FRS2: variants seen among roughly 807,000 people sequenced by gnomAD.
FRS2 encodes FGFR signalling adaptor.
In FRS2, 8 loss-of-function variants were observed where a neutral mutation model predicts 43.9. The ratio of observed to expected loss-of-function variants is 0.18; its 90% CI spans 0.11 to 0.33. The LOEUF (loss-of-function observed/expected upper bound fraction) is 0.33. Among genes scored for constraint, FRS2 ranks in the 10% least tolerant of loss-of-function variants. The pLI is 1.00. For missense variants in FRS2, 534 were observed against 627.6 expected (o/e 0.85, Z 1.59); for synonymous variants, 219 against 220.3 (o/e 0.99, Z 0.05).
At chr12:69,483,955 G>A (rs1005639728) in intron 1 of FRS2, among the ~76,000 whole-genome samples, 5 of 152,162 alleles carry the variant, frequency 3.3e-5, no homozygotes, top group Non-Finnish European at 7.3e-5. Context: ...GGCGAGAAAG[G>A]TACTTCACTG....
At chr12:69,556,433 A>G (rs567373175) in intron 3 of FRS2, among the ~76,000 whole-genome samples, 3 of 151,892 alleles carry the variant, frequency 2.0e-5, no homozygotes, top group Non-Finnish European at 2.9e-5. Flanking sequence ...CCCAGGGTCA[A>G]GCGATTCACA....
chr12:69,481,481 A>G (rs906045842), intron 1 of FRS2, among the ~76,000 whole-genome samples: 2 of 151,520 alleles, frequency 1.3e-5, no homozygotes, highest in African/African-American at 4.9e-5. Flanking sequence ...GTGTCTCACT[A>G]TGTTGACCAG....
intron 8 of FRS2, among the ~76,000 whole-genome samples, 175 bp downstream of exon 8, chr12:69,572,456 A>G (rs1313083824): frequency 6.6e-6 from 1 of 152,212 alleles, no homozygotes; most frequent in Non-Finnish European, 1.5e-5. Context: ...GCTCAAATAT[A>G]TGCGGGTATT....
At chr12:69,502,969 C>T (rs1252212040) in intron 1 of FRS2, among the ~76,000 whole-genome samples, 1 of 152,204 alleles carries the variant, frequency 6.6e-6, no homozygotes, top group Non-Finnish European at 1.5e-5. Context: ...ACCATAAATT[C>T]AGTGGCACCC....
At chr12:69,488,854 TA>T (rs1396470138) in intron 1 of FRS2, among the ~76,000 whole-genome samples, 1 of 152,168 alleles carries the variant, frequency 6.6e-6, no homozygotes, top group Non-Finnish European at 1.5e-5. Context: ...TGGCTCTTAT[TA>T]AGCATTAAGT....
In FRS2 at chr12:69,518,484, A is replaced by T. The variant is rs542369350; in HGVS notation, c.-260-12381A>T. Among the ~76,000 whole-genome samples the T allele has an allele frequency of 1.1e-4, 16 of 147,642 alleles. No homozygotes were observed. In the South Asian group the frequency reaches 3.5e-3, roughly 32 times the overall value. On this transcript the variant is annotated intron_variant, in intron 1 of 8. Coordinates refer to ENST00000549921, the MANE Select transcript of FRS2 (RefSeq NM_001278356.2). ...GCACTTTGGGAGGCCGAGGTGGCAG[A>T]TTGCTTGAGCTCAGGAGTTTGACAC...
At chr12:69,560,527 T>G (rs796707013) in intron 3 of FRS2, among the ~76,000 whole-genome samples, 15 of 152,306 alleles carry the variant, frequency 9.8e-5, no homozygotes, top group African/African-American at 3.6e-4. Context: ...CAGATCAAAA[T>G]TTAAGTCTAG....
chr12:69,553,222 C>T (rs1025426841), intron 3 of FRS2, among the ~76,000 whole-genome samples: 1 of 152,048 alleles, frequency 6.6e-6, no homozygotes, highest in African/African-American at 2.4e-5. Context: ...CAGGCGCCCA[C>T]CTCCACGCCC....
chr12:69,523,833 C>T (rs530444001), intron 1 of FRS2, among the ~76,000 whole-genome samples: 4 of 152,300 alleles, frequency 2.6e-5, no homozygotes, highest in African/African-American at 9.6e-5. Flanking sequence ...ATTTATGAAG[C>T]TTGGTTTGGC....
intron 1 of FRS2, among the ~76,000 whole-genome samples, chr12:69,510,551 A>G (rs916346562): frequency 1.3e-5 from 2 of 152,162 alleles, no homozygotes; most frequent in Admixed American, 6.5e-5. Context: ...GCGTATTGTC[A>G]TTGTACCCTT....
intron 1 of FRS2, among the ~76,000 whole-genome samples, chr12:69,489,873 G>T (rs1872309259): frequency 6.6e-6 from 1 of 150,822 alleles, no homozygotes; most frequent in Non-Finnish European, 1.5e-5. Context: ...TCTGGCAAAG[G>T]AATATACTGA....
intron 4 of FRS2, among the ~76,000 whole-genome samples, chr12:69,565,048 A>T (rs1422012641): frequency 6.6e-6 from 1 of 152,216 alleles, no homozygotes; most frequent in Non-Finnish European, 1.5e-5. Context: ...CGCAAACGTC[A>T]TAGAGTGTAC....
chr12:69,515,418 C>T (rs1199815700), intron 1 of FRS2, among the ~76,000 whole-genome samples: 1 of 152,108 alleles, frequency 6.6e-6, no homozygotes. Context: ...TTCACTTTGC[C>T]TCAGACTACA....
intron 1 of FRS2, among the ~76,000 whole-genome samples, chr12:69,483,904 A>G (rs1871578207): frequency 6.6e-6 from 1 of 152,096 alleles, no homozygotes; most frequent in Admixed American, 6.6e-5. Flanking sequence ...ATTCTTTTAG[A>G]TTGGGTATTA....
chr12:69,523,690 G>A (rs1875912767), intron 1 of FRS2, among the ~76,000 whole-genome samples: 1 of 152,154 alleles, frequency 6.6e-6, no homozygotes, highest in Non-Finnish European at 1.5e-5. Context: ...ACTTTAGTTT[G>A]TTTTTGTAGT....
rs750503696 is a variant in FRS2 at position 69,574,190 on chromosome 12, G to T, written c.762G>T (p.Gly254=). Residue 254 remains glycine, a synonymous_variant, in exon 9 of 9, where the codon GGG becomes GGT. Transcript: ENST00000549921. ...CTGAAGGAGTCAAATTTGTTTTAGG[G>T]CCAACCCCTGTTCAAAAGCAGTTAA... ...LEPEGVKFVL[G]PTPVQKQLME... 1.3e-5 allele frequency: 21 copies of T among 1,614,056 alleles called. No homozygotes were observed. The South Asian group carries it at 2.3e-4, about 18-fold the overall frequency.
At position 69,550,193 on chromosome 12, in the gene FRS2, T is replaced by TA. The variant is rs1304952631; in HGVS notation, c.-121-11982dup. ...CAATGTATGTACTGTCAACCTCAAC[T>TA]AAAAATGTATTTTCCTTGACTCCTG... On this transcript the variant is annotated intron_variant, in intron 3 of 8. Transcript: ENST00000549921. Among the ~76,000 whole-genome samples, 3 of 152,250 alleles carry TA rather than the reference T, an allele frequency of 2.0e-5. No individual in the cohort carries two copies. In the East Asian group the frequency reaches 5.8e-4, roughly 29 times the overall value.
intron 1 of FRS2, among the ~76,000 whole-genome samples, chr12:69,473,959 C>T (rs1270306060): frequency 6.6e-6 from 1 of 152,194 alleles, no homozygotes; most frequent in African/African-American, 2.4e-5. Context: ...TGTCCTGCTT[C>T]ATCTTCCCGA....
chr12:69,522,190 T>TGG (rs1211781925), intron 1 of FRS2, among the ~76,000 whole-genome samples: 1 of 134,714 alleles, frequency 7.4e-6, no homozygotes, highest in Non-Finnish European at 1.6e-5. Flanking sequence ...GAAGTTTTCT[T>TGG]TGTGTGTGTG....
Sources: gnomAD v4.1 joint callset for allele counts (sites outside exome capture counted in the v4.1 genomes callset) on GRCh38, gnomAD v4.1.1 for gene constraint, MANE v1.5 for transcripts, NCBI Gene and HGNC (gene_info 2026-07-23, HGNC 2026-07-21) for gene names.